ZFYVE28: variants seen among roughly 807,000 people sequenced by gnomAD.
The protein encoded by ZFYVE28 is lateral signaling target protein 2 homolog.
In ZFYVE28, 40 loss-of-function variants were observed where a neutral mutation model predicts 82.1. That is an observed-to-expected ratio of 0.49 (90% confidence interval 0.38 to 0.63). ZFYVE28 has a LOEUF of 0.63. Ranked by LOEUF, ZFYVE28 falls within the 30% of genes least tolerant of loss-of-function variation. The probability of loss-of-function intolerance (pLI) is 0.00; values close to 1 mark genes in which losing one functional copy is unlikely to be tolerated. For synonymous variants in ZFYVE28, 612 were observed against 546.1 expected, an observed-to-expected ratio of 1.12 and a Z score of -1.68; for missense variants, 1,321 against 1,242.1, an observed-to-expected ratio of 1.06 and a Z score of -0.96.
rs141945196 is a variant in ZFYVE28 at position 2,281,616 on chromosome 4, C to T, written c.2052-7400G>A. Among the ~76,000 whole-genome samples the T allele has an allele frequency of 6.8e-4, 103 of 152,346 alleles. 3 individuals are homozygous for T. In the East Asian group the frequency reaches 0.017, roughly 25 times the overall value. ...ATCAATCCGCTCAGGAGGGCAAAGC[C>T]TTCATGACCTCATCACCTCTTTAAG... On this transcript the variant is annotated intron_variant, in intron 8 of 12. Transcript: ENST00000290974.
rs555192240 is a variant in ZFYVE28 at position 2,364,471 on chromosome 4, C to A, written c.40-10398G>T. On this transcript the variant is annotated intron_variant, in intron 1 of 12. Transcript: ENST00000290974. ...TGGCAGCTTTACGTTCAATTCACAT[C>A]AATAAGTACTTTACCCAGAGGGTGG... is the stretch of plus-strand genomic sequence containing the variant. The A allele has an allele frequency of 1.7e-5, 17 of 985,488 alleles. No homozygotes were observed. The East Asian group carries it at 1.8e-3, about 105-fold the overall frequency. 61.0% of individuals were successfully genotyped at this position (985,488 alleles called of 1,614,324 possible).
Position 2,270,625 on chromosome 4 carries a change from G to A in ZFYVE28, c.*100C>T. 6.5e-7 allele frequency: 1 copy of A among 1,530,224 alleles called. No individual in the cohort carries two copies. Among genetic ancestry groups the A allele is most frequent in the Non-Finnish European group, 8.9e-7 (1 of 1,125,746 alleles). The allele number at this position is 1,530,224 out of a possible 1,614,324, so 94.8% of individuals were successfully genotyped here. ...AGGTCTGGGTGCCCCTGCAGCAGCG[G>A]CAGCGGCCTCATGAGACGCAGTGAG... On this transcript the variant is annotated 3_prime_UTR_variant, in exon 13 of 13. Coordinates refer to ENST00000290974, the MANE Select transcript of ZFYVE28 (RefSeq NM_020972.3).
chr4:2,329,098 G>A, intron 6 of ZFYVE28: 1 of 698,328 alleles, frequency 1.4e-6, no homozygotes, highest in Middle Eastern at 2.3e-4. Flanking sequence ...GGCTATTTAG[G>A]GCCCATTGCA....
intron 1 of ZFYVE28, among the ~76,000 whole-genome samples, chr4:2,371,881 C>T (rs1560300069): frequency 1.3e-5 from 2 of 150,530 alleles, no homozygotes; most frequent in Admixed American, 6.6e-5. Context: ...CCGGCCTCGG[C>T]GGCAACAGGA....
At chr4:2,407,927 C>T (rs1410532911) in intron 1 of ZFYVE28, among the ~76,000 whole-genome samples, 1 of 152,198 alleles carries the variant, frequency 6.6e-6, no homozygotes, top group South Asian at 2.1e-4. Flanking sequence ...CTTGGTTTGA[C>T]CTTACGCATG....
intron 7 of ZFYVE28, among the ~76,000 whole-genome samples, chr4:2,309,003 C>G (rs1387930577): frequency 1.3e-5 from 2 of 152,212 alleles, no homozygotes; most frequent in East Asian, 3.8e-4. Context: ...TTTACTGGCA[C>G]TACCATAGGT....
chr4:2,348,501 T>C (rs757123254), intron 2 of ZFYVE28, among the ~76,000 whole-genome samples: 1 of 152,200 alleles, frequency 6.6e-6, no homozygotes, highest in African/African-American at 2.4e-5. Flanking sequence ...ATATCCCTAA[T>C]GAATATTGAT....
chr4:2,279,672 T>A (rs916992408), intron 8 of ZFYVE28, among the ~76,000 whole-genome samples: 1 of 149,198 alleles, frequency 6.7e-6, no homozygotes, highest in Non-Finnish European at 1.5e-5. Context: ...TCCCAGCTAC[T>A]CAGGAGGCTG....
chr4:2,395,799 A>AGCAGGAGGGAGGCTC lies in ZFYVE28; in HGVS notation c.39+22471_39+22485dup, dbSNP rs571296975. Among the ~76,000 whole-genome samples, 506 of 152,296 alleles carry AGCAGGAGGGAGGCTC rather than the reference A, an allele frequency of 3.3e-3. 7 individuals are homozygous for AGCAGGAGGGAGGCTC. Among genetic ancestry groups the AGCAGGAGGGAGGCTC allele is most frequent in the African/African-American group, 0.011 (452 of 41,556 alleles). On this transcript the variant is annotated intron_variant, in intron 1 of 12. Coordinates refer to ENST00000290974, the MANE Select transcript of ZFYVE28 (RefSeq NM_020972.3). ...CCACACCCAGATAACGGTCCAAGATAGCAGGAGGGAGGCTCACAGGAGGCG... is the reference window on the plus strand; with the variant it reads ...CCACACCCAGATAACGGTCCAAGATAGCAGGAGGGAGGCTCGCAGGAGGGAGGCTCACAGGAGGCG...
chr4:2,288,539 G>A (rs1291879317), intron 8 of ZFYVE28, among the ~76,000 whole-genome samples: 1 of 152,266 alleles, frequency 6.6e-6, no homozygotes, highest in African/African-American at 2.4e-5. Flanking sequence ...TCCAAGGGGA[G>A]GTCCTGCCAT....
intron 2 of ZFYVE28, among the ~76,000 whole-genome samples, chr4:2,348,015 C>G (rs2108873916): frequency 6.6e-6 from 1 of 152,178 alleles, no homozygotes; most frequent in Middle Eastern, 3.4e-3. Context: ...TAGAGAAAAT[C>G]AATGAAGCTA....
chr4:2,305,380 G>T lies in ZFYVE28; in HGVS notation c.960C>A (p.Leu320=), dbSNP rs980305291. 7 of 1,612,674 alleles carry T rather than the reference G, an allele frequency of 4.3e-6. No individual in the cohort carries two copies. Among genetic ancestry groups the T allele is most frequent in the Non-Finnish European group, 5.9e-6 (7 of 1,179,826 alleles). ...CATCCGGGTCTTTGGCCTTAGCTGA[G>T]AGTGGCCCCTCAGGGGGGAGAGGGG... ...LSAPLPPEGP[L]SAKAKDPDAE... The change falls in exon 8 of 13, where the codon CTC becomes CTA. Residue 320 remains leucine, a synonymous_variant. Coordinates refer to ENST00000290974, the MANE Select transcript of ZFYVE28 (RefSeq NM_020972.3).
At chr4:2,380,876 T>C (rs1409488536) in intron 1 of ZFYVE28, among the ~76,000 whole-genome samples, 1 of 152,218 alleles carries the variant, frequency 6.6e-6, no homozygotes, top group Non-Finnish European at 1.5e-5. Flanking sequence ...CTCTTTTTCA[T>C]CCCAGTCTCA....
chr4:2,335,035 A>G lies in ZFYVE28; in HGVS notation c.701+670T>C, dbSNP rs924755771. 2.0e-5 allele frequency among the ~76,000 whole-genome samples: 3 copies of G among 150,638 alleles called. No individual in the cohort carries two copies. The highest frequency in any genetic ancestry group is 7.3e-5 in the African/African-American group (3 of 41,072). On this transcript the variant is annotated intron_variant, in intron 6 of 12. Coordinates refer to ENST00000290974, the MANE Select transcript of ZFYVE28 (RefSeq NM_020972.3). The surrounding 1 kb of genome is among the most constrained non-coding windows in gnomAD (Gnocchi z 5.8). ...CCCAGACAGCTCAGAGACGCTAAGC[A>G]GGTGACCCCGCGCATCCTGCCTCGG...
At chr4:2,355,165 A>G (rs1304840206) in intron 1 of ZFYVE28, among the ~76,000 whole-genome samples, 1 of 130,486 alleles carries the variant, frequency 7.7e-6, no homozygotes, top group African/African-American at 2.9e-5. Context: ...GAGGATTCAA[A>G]GAAGCCCCTT....
chr4:2,297,532 C>T (rs996669696), intron 8 of ZFYVE28, among the ~76,000 whole-genome samples: 20 of 152,354 alleles, frequency 1.3e-4, no homozygotes, highest in African/African-American at 3.6e-4. Context: ...TGATGCCACC[C>T]GGGATAGCTG....
At position 2,298,303 on chromosome 4, in the gene ZFYVE28, G is replaced by A. The variant is rs577974222; in HGVS notation, c.2051+5986C>T. Among the ~76,000 whole-genome samples the A allele has an allele frequency of 2.3e-3, 346 of 152,272 alleles. 4 individuals carry two copies. Among genetic ancestry groups the A allele is most frequent in the African/African-American group, 7.7e-3 (320 of 41,530 alleles). ...AACGGCAGAGGATGAGTGGTGATGC[G>A]TGAGGAGTGCATCCTGCCATGTAGC... On this transcript the variant is annotated intron_variant, in intron 8 of 12. Coordinates refer to ENST00000290974, the MANE Select transcript of ZFYVE28 (RefSeq NM_020972.3).
chr4:2,404,574 G>A (rs942891769), intron 1 of ZFYVE28, among the ~76,000 whole-genome samples: 6 of 152,168 alleles, frequency 3.9e-5, no homozygotes, highest in Non-Finnish European at 7.3e-5. Context: ...GAAGAAGCCA[G>A]ACACAAAAGG....
chr4:2,354,608 G>A (rs1358783699), intron 1 of ZFYVE28, among the ~76,000 whole-genome samples: 2 of 151,910 alleles, frequency 1.3e-5, no homozygotes, highest in Non-Finnish European at 2.9e-5. Flanking sequence ...ATAGGTGCCC[G>A]CTGTCATGCC....
Sources: gnomAD v4.1 joint callset for allele counts (sites outside exome capture counted in the v4.1 genomes callset) on GRCh38, gnomAD v4.1.1 for gene constraint, Gnocchi (gnomAD v3.1) non-coding constraint, MANE v1.5 for transcripts, NCBI Gene and HGNC (gene_info 2026-07-23, HGNC 2026-07-21) for gene names.